NUP62CL: variants seen among roughly 807,000 people sequenced by gnomAD.
NUP62CL encodes nucleoporin 62 C-terminal like.
In NUP62CL, 13 loss-of-function variants were observed where a neutral mutation model predicts 15.3. The ratio of observed to expected loss-of-function variants is 0.85; its 90% CI spans 0.55 to 1.35. The LOEUF is 1.35. Among genes scored for constraint, NUP62CL ranks in the 40% most tolerant of loss-of-function variants. The pLI, the probability that NUP62CL is intolerant of heterozygous loss-of-function variation, is 0.00. For missense variants in NUP62CL, 123 were observed against 130.6 expected (o/e 0.94, Z 0.28); for synonymous variants, 54 against 49.2 (o/e 1.10, Z -0.41).
chrX:107,148,219 C>A (rs1183981777), intron 7 of NUP62CL, among the ~76,000 whole-genome samples: 1 of 111,431 alleles, frequency 9.0e-6, no homozygotes, highest in Admixed American at 9.6e-5. Flanking sequence ...CATATATAGC[C>A]AATAGTAATA....
intron 2 of NUP62CL, among the ~76,000 whole-genome samples, chrX:107,176,328 G>A (rs1335939699): frequency 9.0e-6 from 1 of 111,595 alleles, no homozygotes; most frequent in East Asian, 2.8e-4. Context: ...GGTCCGTCCT[G>A]AAATCGGAAG....
intron 1 of NUP62CL, among the ~76,000 whole-genome samples, chrX:107,204,961 A>T (rs1200990283): frequency 9.3e-6 from 1 of 107,527 alleles, no homozygotes; most frequent in Admixed American, 1.0e-4. Context: ...TATTTAAATA[A>T]ATTTTAAATA....
intron 8 of NUP62CL, among the ~76,000 whole-genome samples, chrX:107,126,074 C>T (rs1429070922): frequency 9.0e-6 from 1 of 111,585 alleles, no homozygotes; most frequent in African/African-American, 3.3e-5. Context: ...CACATATTGA[C>T]ATTATTAAAA....
intron 4 of NUP62CL, among the ~76,000 whole-genome samples, chrX:107,161,810 T>TA (rs1272624824): frequency 2.5e-5 from 2 of 81,589 alleles, no homozygotes; most frequent in African/African-American, 5.9e-5. Flanking sequence ...GTAATAATAA[T>TA]AAAAAAAATT....
At chrX:107,155,059 G>A (rs1195076006) in intron 4 of NUP62CL, among the ~76,000 whole-genome samples, 1 of 111,637 alleles carries the variant, frequency 9.0e-6, no homozygotes, top group African/African-American at 3.3e-5. Flanking sequence ...AACTGAACAA[G>A]GTGATTCAAG....
intron 4 of NUP62CL, among the ~76,000 whole-genome samples, chrX:107,154,548 G>C (rs1400786348): frequency 8.9e-6 from 1 of 111,855 alleles, no homozygotes; most frequent in Non-Finnish European, 1.9e-5. Context: ...CCTCATCCCA[G>C]CTCAGCATGA....
At chrX:107,153,377 A>G in intron 6 of NUP62CL, 71 bp from the exon 7 acceptor site, 1 of 1,095,306 alleles carries the variant, frequency 9.1e-7, no homozygotes, top group South Asian at 2.2e-5. Flanking sequence ...GAGTTAACAA[A>G]CTACAGAAGG....
chrX:107,137,053 A>G (rs974980759), intron 8 of NUP62CL, among the ~76,000 whole-genome samples: 2 of 112,193 alleles, frequency 1.8e-5, no homozygotes, highest in African/African-American at 6.5e-5. Context: ...AACAAGAGTG[A>G]AACTCTGTCT....
chrX:107,157,003 C>T (rs1184406340), intron 4 of NUP62CL, among the ~76,000 whole-genome samples: 1 of 90,825 alleles, frequency 1.1e-5, no homozygotes, highest in East Asian at 3.6e-4. Context: ...GGAGCCGATG[C>T]GATCAACTGG....
intron 1 of NUP62CL, among the ~76,000 whole-genome samples, chrX:107,197,974 A>G (rs1927394534): frequency 1.8e-5 from 2 of 112,589 alleles, no homozygotes; most frequent in African/African-American, 3.2e-5. Flanking sequence ...GCTATGTGAA[A>G]GCTTTCCAAA....
At chrX:107,137,406 A>G (rs1006237852) in intron 8 of NUP62CL, among the ~76,000 whole-genome samples, 9 of 112,067 alleles carry the variant, frequency 8.0e-5, no homozygotes, top group Non-Finnish European at 9.4e-5. Flanking sequence ...AAAAGACAAG[A>G]AAAAGAAATA....
intron 2 of NUP62CL, among the ~76,000 whole-genome samples, chrX:107,185,908 A>C (rs1020948729): frequency 8.9e-6 from 1 of 111,751 alleles, no homozygotes; most frequent in African/African-American, 3.3e-5. Flanking sequence ...CATTTAACAA[A>C]AGGGAGTAGG....
chrX:107,158,093 T>C (rs1168794317), intron 4 of NUP62CL, among the ~76,000 whole-genome samples: 7 of 59,476 alleles, frequency 1.2e-4, no homozygotes, highest in Non-Finnish European at 2.1e-4. Flanking sequence ...CCTAAATATA[T>C]ATGCAGCCAA....
chrX:107,187,932 G>A (rs1285680290), intron 2 of NUP62CL, among the ~76,000 whole-genome samples: 1 of 112,246 alleles, frequency 8.9e-6, no homozygotes, highest in Non-Finnish European at 1.9e-5. Context: ...CATTTGACTG[G>A]CCCTATGACA....
chrX:107,146,035 A>G (rs188686316), intron 8 of NUP62CL, among the ~76,000 whole-genome samples: 2 of 111,991 alleles, frequency 1.8e-5, no homozygotes, highest in Admixed American at 1.9e-4. Flanking sequence ...CATTTTTGAT[A>G]AGACTACTAC....
At chrX:107,187,363 T>TA (rs1025120662) in intron 2 of NUP62CL, among the ~76,000 whole-genome samples, 3 of 111,165 alleles carry the variant, frequency 2.7e-5, no homozygotes, top group Admixed American at 1.9e-4. Flanking sequence ...ACGAAAACAA[T>TA]AAAAAAAATT....
intron 4 of NUP62CL, among the ~76,000 whole-genome samples, chrX:107,158,542 C>A (rs1372134545): frequency 1.3e-5 from 1 of 76,722 alleles, no homozygotes; most frequent in Non-Finnish European, 2.2e-5. Flanking sequence ...GGGTACATAA[C>A]GAAATGAAGG....
intron 1 of NUP62CL, among the ~76,000 whole-genome samples, chrX:107,201,692 C>T: frequency 9.1e-6 from 1 of 109,865 alleles, no homozygotes; most frequent in East Asian, 2.8e-4. Context: ...CTTTGGGAGG[C>T]TGAGGCAGGA....
chrX:107,179,049 C>T (rs765708647), intron 2 of NUP62CL, among the ~76,000 whole-genome samples: 2 of 106,895 alleles, frequency 1.9e-5, no homozygotes, highest in East Asian at 5.9e-4. Context: ...GAGCCGAGAT[C>T]GTACCACCGC....
Sources: allele counts gnomAD v4.1 joint callset (sites outside exome capture counted in the v4.1 genomes callset), GRCh38; gene constraint gnomAD v4.1.1; transcripts MANE v1.5; gene names NCBI Gene and HGNC (gene_info 2026-07-23, HGNC 2026-07-21).